Variants in MATN2 observed in about 807,000 individuals in gnomAD.
MATN2 encodes matrilin-2.
In MATN2, 69 loss-of-function variants were observed where a neutral mutation model predicts 103.2. The observed-to-expected ratio is 0.67, with a 90% CI of 0.55 to 0.82. The LOEUF is 0.82. MATN2 is among the 40% of genes least tolerant of loss of function. The pLI, the probability that MATN2 is intolerant of heterozygous loss-of-function variation, is 0.00. For synonymous variants in MATN2, 429 were observed against 450.2 expected, an observed-to-expected ratio of 0.95 and a Z score of 0.60; for missense variants, 1,023 against 1,211.5, an observed-to-expected ratio of 0.84 and a Z score of 2.31.
intron 6 of MATN2, among the ~76,000 whole-genome samples, chr8:97,987,418 C>T (rs1812230726): frequency 6.6e-6 from 1 of 151,988 alleles, no homozygotes; most frequent in Non-Finnish European, 1.5e-5. Flanking sequence ...GCACATCCTG[C>T]ACATACACCC....
In MATN2 at chr8:97,999,798, C is replaced by T. The variant is rs1053601744; in HGVS notation, c.1205-3863C>T. ...ATGCACTCTGTCTGCAGCCATTCTG[C>T]TCATACTCTGGGCATGAAGCAAGCT... is the stretch of plus-strand genomic sequence containing the variant. On this transcript the variant is annotated intron_variant, in intron 7 of 18. Coordinates refer to ENST00000254898, the MANE Select transcript of MATN2 (RefSeq NM_002380.5). Among the ~76,000 whole-genome samples the T allele has an allele frequency of 5.3e-5, 8 of 151,800 alleles. No individual in the cohort carries two copies. The East Asian group carries it at 7.7e-4, about 15-fold the overall frequency.
Position 98,033,128 on chromosome 8 carries a change from A to C in MATN2, c.2668A>C (p.Asn890His). 1 of 1,611,012 alleles carries C rather than the reference A, an allele frequency of 6.2e-7. No homozygotes were observed. Among genetic ancestry groups the C allele is most frequent in the Non-Finnish European group, 8.5e-7 (1 of 1,178,488 alleles). ...VQHRYLFEED[N>H]LLRSTQKLSH... ...ACACAGATATCTGTTTGAAGAAGAC[A>C]ATCTTTTACGGTCTACACAAAAGCT... is the stretch of plus-strand genomic sequence containing the variant. The change falls in exon 17 of 19, where the codon AAT becomes CAT. Residue 890 changes from asparagine (N) to histidine (H), a missense_variant. Transcript: ENST00000254898.
At chr8:97,966,612 G>C (rs1811489932) in intron 5 of MATN2, among the ~76,000 whole-genome samples, 2 of 151,972 alleles carry the variant, frequency 1.3e-5, no homozygotes, top group Admixed American at 1.3e-4. Context: ...TCATTGACAA[G>C]GTGAATTTTG....
At chr8:97,904,278 A>C (rs1411446758) in intron 2 of MATN2, among the ~76,000 whole-genome samples, 1 of 152,248 alleles carries the variant, frequency 6.6e-6, no homozygotes, top group Non-Finnish European at 1.5e-5. Flanking sequence ...TTTCTTTAAA[A>C]GCCATTAGTC....
At chr8:97,870,290 G>GGGC (rs1817848612) in intron 1 of MATN2, among the ~76,000 whole-genome samples, 1 of 152,150 alleles carries the variant, frequency 6.6e-6, no homozygotes, top group South Asian at 2.1e-4. Context: ...AAGCCGGGGC[G>GGGC]GGCGGATCAC....
intron 6 of MATN2, among the ~76,000 whole-genome samples, chr8:97,986,834 TTTAG>T (rs1812209859): frequency 6.6e-6 from 1 of 152,086 alleles, no homozygotes; most frequent in Non-Finnish European, 1.5e-5. Context: ...TAGATCTACT[TTTAG>T]TTATTTTTTT....
intron 5 of MATN2, among the ~76,000 whole-genome samples, chr8:97,977,105 G>A (rs929811770): frequency 8.6e-5 from 13 of 151,734 alleles, no homozygotes; most frequent in Admixed American, 5.9e-4. Context: ...ATGTGGTGGC[G>A]CACACCTGTA....
chr8:97,977,042 C>T (rs967980175), intron 5 of MATN2, among the ~76,000 whole-genome samples: 4 of 151,782 alleles, frequency 2.6e-5, no homozygotes, highest in Non-Finnish European at 5.9e-5. Flanking sequence ...TTGAGGCCAG[C>T]CTGGCCCACA....
chr8:98,017,106 A>T (rs1019406224), intron 11 of MATN2, among the ~76,000 whole-genome samples: 2 of 152,250 alleles, frequency 1.3e-5, no homozygotes, highest in Non-Finnish European at 1.5e-5. Flanking sequence ...TGTGGCAAGA[A>T]ACAGTGGTTT....
chr8:97,977,871 C>A (rs551475429), intron 5 of MATN2, among the ~76,000 whole-genome samples: 1 of 152,128 alleles, frequency 6.6e-6, no homozygotes, highest in Non-Finnish European at 1.5e-5. Context: ...GATATCCTCA[C>A]GGCTCGTATT....
chr8:97,916,952 T>G (rs1263385349), intron 2 of MATN2, among the ~76,000 whole-genome samples: 2 of 152,144 alleles, frequency 1.3e-5, no homozygotes, highest in South Asian at 2.1e-4. Context: ...TTTTTTTTCC[T>G]TTCCATTTTG....
intron 1 of MATN2, among the ~76,000 whole-genome samples, chr8:97,881,364 G>A (rs938855991): frequency 6.6e-6 from 1 of 152,216 alleles, no homozygotes; most frequent in Non-Finnish European, 1.5e-5. Context: ...ACACCATACA[G>A]TTCTGGCTCT....
At chr8:97,885,202 A>T (rs974388646) in intron 1 of MATN2, among the ~76,000 whole-genome samples, 1 of 152,268 alleles carries the variant, frequency 6.6e-6, no homozygotes, top group Non-Finnish European at 1.5e-5. Flanking sequence ...CCTTGAGAGC[A>T]TGTTGTATAC....
chr8:98,015,511 G>A (rs149184167), intron 10 of MATN2, among the ~76,000 whole-genome samples: 35 of 152,244 alleles, frequency 2.3e-4, no homozygotes, highest in Non-Finnish European at 3.1e-4. Context: ...AGCAGCTCCC[G>A]TTGCTGCAGT....
At chr8:97,961,608 C>A in intron 5 of MATN2, 78 bp downstream of exon 5, 2 of 1,399,396 alleles carry the variant, frequency 1.4e-6, no homozygotes, top group Non-Finnish European at 9.5e-7. Context: ...TCACGTGTAC[C>A]TCCCACATAT....
chr8:97,890,890 G>C (rs1818605503), intron 2 of MATN2, among the ~76,000 whole-genome samples: 1 of 152,074 alleles, frequency 6.6e-6, no homozygotes, highest in Non-Finnish European at 1.5e-5. Context: ...GAACTTTCTG[G>C]GTTTTAAAAA....
intron 13 of MATN2, among the ~76,000 whole-genome samples, chr8:98,026,256 GTT>G (rs367888514): frequency 1.6e-5 from 2 of 124,832 alleles, no homozygotes; most frequent in Admixed American, 8.3e-5. Context: ...TTTTAATTTT[GTT>G]TTTTTTTTTT....
chr8:97,965,878 A>G (rs1370361484), intron 5 of MATN2, among the ~76,000 whole-genome samples: 10 of 152,040 alleles, frequency 6.6e-5, no homozygotes, highest in African/African-American at 2.4e-4. Context: ...CAGCTACTCC[A>G]GAGGCTGAGG....
chr8:97,996,963 A>G (rs10098159), intron 7 of MATN2, among the ~76,000 whole-genome samples: 67,410 of 152,148 alleles, frequency 0.44, 15,676 homozygotes, highest in Middle Eastern at 0.49. Context: ...AACTGGGGGA[A>G]AAAAGATCAA....
Sources: gnomAD v4.1 joint callset for allele counts (sites outside exome capture counted in the v4.1 genomes callset) on GRCh38, gnomAD v4.1.1 for gene constraint, MANE v1.5 for transcripts, NCBI Gene and HGNC (gene_info 2026-07-23, HGNC 2026-07-21) for gene names.